The following TENM3 variants were observed in gnomAD, a reference collection of about 807,000 sequenced individuals.
TENM3 encodes the protein teneurin transmembrane protein 3.
A neutral mutation model predicts 255.1 loss-of-function variants in TENM3; 63 were observed. The ratio of observed to expected loss-of-function variants is 0.25; its 90% CI spans 0.20 to 0.30. TENM3 has a LOEUF of 0.30. Ranked by LOEUF, TENM3 falls within the 10% of genes least tolerant of loss-of-function variation. The pLI is 1.00. For missense variants in TENM3, 2,929 were observed against 3,461.1 expected, an observed-to-expected ratio of 0.85 and a Z score of 3.86; for synonymous variants, 1,306 against 1,322.3, an observed-to-expected ratio of 0.99 and a Z score of 0.27.
At chr4:182,717,629 T>C (rs1248261664) in intron 13 of TENM3, among the ~76,000 whole-genome samples, 1 of 152,126 alleles carries the variant, frequency 6.6e-6, no homozygotes, top group Non-Finnish European at 1.5e-5. Flanking sequence ...AATCACACAG[T>C]GGAAATCAGA....
At chr4:181,721,636 G>A in the TENM3 span, among the ~76,000 whole-genome samples, 1 of 150,484 alleles carries the variant, frequency 6.6e-6, no homozygotes, top group Non-Finnish European at 1.5e-5. Flanking sequence ...GAAGTGGAGT[G>A]GGTAGGGTAA....
At chr4:181,825,218 T>G in the TENM3 span, among the ~76,000 whole-genome samples, 5 of 152,022 alleles carry the variant, frequency 3.3e-5, no homozygotes, top group Non-Finnish European at 7.4e-5. Flanking sequence ...CTGGACAACA[T>G]GGTGAAACCC....
At chr4:181,541,339 A>G in the TENM3 span, among the ~76,000 whole-genome samples, 2 of 151,934 alleles carry the variant, frequency 1.3e-5, no homozygotes, top group Admixed American at 6.6e-5. Context: ...AGCCATGATC[A>G]CTCCCACTGC....
chr4:181,779,496 T>C, the TENM3 span, among the ~76,000 whole-genome samples: 2 of 151,852 alleles, frequency 1.3e-5, no homozygotes, highest in Non-Finnish European at 2.9e-5. Flanking sequence ...TATCCTTTCT[T>C]TTCTATCAAT....
intron 1 of TENM3, among the ~76,000 whole-genome samples, chr4:182,215,235 A>G (rs1418936005): frequency 6.6e-6 from 1 of 152,186 alleles, no homozygotes; most frequent in African/African-American, 2.4e-5. Context: ...CCTTAGAACA[A>G]ATGTCATTAA....
chr4:181,786,001 C>A, the TENM3 span, among the ~76,000 whole-genome samples: 1 of 152,112 alleles, frequency 6.6e-6, no homozygotes, highest in Non-Finnish European at 1.5e-5. Flanking sequence ...TATGAAGTGA[C>A]GCTGGGCTGT....
At chr4:182,597,435 A>G (rs1303429900) in intron 3 of TENM3, among the ~76,000 whole-genome samples, 1 of 152,172 alleles carries the variant, frequency 6.6e-6, no homozygotes, top group Non-Finnish European at 1.5e-5. Flanking sequence ...AAACTTAAAA[A>G]GAAATGTTAT....
At chr4:181,556,828 T>G in the TENM3 span, among the ~76,000 whole-genome samples, 1 of 152,204 alleles carries the variant, frequency 6.6e-6, no homozygotes, top group Non-Finnish European at 1.5e-5. Context: ...GTCTTCATTT[T>G]TATAAGACTT....
the TENM3 span, among the ~76,000 whole-genome samples, chr4:181,999,794 T>C: frequency 6.6e-6 from 1 of 152,286 alleles, no homozygotes; most frequent in East Asian, 1.9e-4. Context: ...AACATTGCTG[T>C]ATTCAGGATT....
intron 1 of TENM3, among the ~76,000 whole-genome samples, chr4:182,200,717 G>A (rs944290415): frequency 2.0e-5 from 3 of 151,740 alleles, no homozygotes; most frequent in African/African-American, 7.3e-5. Flanking sequence ...AATGCAAACT[G>A]TTCCTTTCAG....
At chr4:182,240,781 AG>A (rs1757202823), upstream of TENM3, among the ~76,000 whole-genome samples, 1 of 152,244 alleles carries the variant, frequency 6.6e-6, no homozygotes, top group Admixed American at 6.5e-5. Flanking sequence ...GCAGGGAGAC[AG>A]TAAGGGCCTG....
chr4:181,697,645 G>A, the TENM3 span, among the ~76,000 whole-genome samples: 1 of 152,016 alleles, frequency 6.6e-6, no homozygotes, highest in Non-Finnish European at 1.5e-5. Context: ...GCCTGCCTTG[G>A]CCTCCCAAAG....
chr4:181,763,510 A>G, the TENM3 span, among the ~76,000 whole-genome samples: 1 of 152,236 alleles, frequency 6.6e-6, no homozygotes, highest in Non-Finnish European at 1.5e-5. Flanking sequence ...ACAAAATTAA[A>G]AGGAAACATA....
chr4:181,952,197 C>A, the TENM3 span, among the ~76,000 whole-genome samples: 1 of 152,128 alleles, frequency 6.6e-6, no homozygotes, highest in Non-Finnish European at 1.5e-5. Context: ...CTTTTGGAAG[C>A]AAATCATCGT....
the TENM3 span, among the ~76,000 whole-genome samples, chr4:182,100,786 C>CATATATACACATAT: frequency 6.0e-5 from 2 of 33,084 alleles, 1 homozygote; most frequent in African/African-American, 2.0e-4. Flanking sequence ...TATATATACA[C>CATATATACACATAT]ATATATATAC....
intron 1 of TENM3, among the ~76,000 whole-genome samples, chr4:182,232,269 C>A (rs973466027): frequency 5.3e-5 from 8 of 152,194 alleles, no homozygotes; most frequent in Admixed American, 1.3e-4. Flanking sequence ...TGGAAAGAAT[C>A]CTCTCCTTCA....
intron 1 of TENM3, chr4:182,169,477 T>G: frequency 3.0e-6 from 1 of 328,188 alleles, no homozygotes; most frequent in East Asian, 9.1e-5. Flanking sequence ...CCACCTAAAA[T>G]ATGAATGAAG....
the TENM3 span, among the ~76,000 whole-genome samples, chr4:181,664,066 G>A: frequency 3.3e-5 from 5 of 152,238 alleles, no homozygotes; most frequent in East Asian, 5.8e-4. Context: ...TCTGGAGCTC[G>A]ACCATCTGGA....
intron 3 of TENM3, among the ~76,000 whole-genome samples, chr4:182,575,417 C>T (rs62339089): frequency 0.049 from 7,471 of 152,200 alleles, 250 homozygotes; most frequent in Non-Finnish European, 0.078. Context: ...TGTTTTATAG[C>T]ACAAAAGCAG....
Sources: gnomAD v4.1 joint callset for allele counts (sites outside exome capture counted in the v4.1 genomes callset) on GRCh38, gnomAD v4.1.1 for gene constraint, MANE v1.5 for transcripts, NCBI Gene and HGNC (gene_info 2026-07-23, HGNC 2026-07-21) for gene names.